HS6ST3: variants seen among roughly 807,000 people sequenced by gnomAD.
The protein encoded by HS6ST3 is heparan-sulfate 6-O-sulfotransferase 3.
HS6ST3 carries 12 observed loss-of-function variants against 36.7 expected under a neutral mutation model. The ratio of observed to expected loss-of-function variants is 0.33; its 90% CI spans 0.21 to 0.53. The LOEUF is 0.53. Ranked by LOEUF, HS6ST3 falls within the 20% of genes least tolerant of loss-of-function variation. The pLI, the probability that HS6ST3 is intolerant of heterozygous loss-of-function variation, is 0.95. For missense variants in HS6ST3, 584 were observed against 640.9 expected (o/e 0.91, Z 0.96); for synonymous variants, 240 against 257.5 (o/e 0.93, Z 0.65).
chr13:96,098,106 T>C (rs1181888462), intron 1 of HS6ST3, among the ~76,000 whole-genome samples: 1 of 152,206 alleles, frequency 6.6e-6, no homozygotes, highest in East Asian at 1.9e-4. Flanking sequence ...TTGGACTTAT[T>C]GGACTTGTTG....
intron 1 of HS6ST3, among the ~76,000 whole-genome samples, chr13:96,780,306 C>T (rs1041432765): frequency 3.3e-5 from 5 of 152,056 alleles, no homozygotes; most frequent in African/African-American, 9.7e-5. Flanking sequence ...TCGTAGTTTT[C>T]GTGTATTAAT....
intron 1 of HS6ST3, among the ~76,000 whole-genome samples, chr13:96,179,994 C>T (rs1594706323): frequency 2.0e-5 from 3 of 152,202 alleles, no homozygotes. Context: ...CCACCACACC[C>T]AGCTAACTTT....
At chr13:96,311,353 A>C (rs1020187665) in intron 1 of HS6ST3, among the ~76,000 whole-genome samples, 1 of 152,210 alleles carries the variant, frequency 6.6e-6, no homozygotes, top group Non-Finnish European at 1.5e-5. Flanking sequence ...GGCAGCATAC[A>C]CACATTTCTT....
intron 1 of HS6ST3, among the ~76,000 whole-genome samples, chr13:96,615,507 A>T (rs777982566): frequency 3.3e-5 from 5 of 152,182 alleles, no homozygotes; most frequent in African/African-American, 1.2e-4. Flanking sequence ...CCCATTCATC[A>T]TCTGGATGTA....
chr13:96,453,453 G>T (rs532002656), intron 1 of HS6ST3, among the ~76,000 whole-genome samples: 1 of 152,206 alleles, frequency 6.6e-6, no homozygotes, highest in Admixed American at 6.5e-5. Flanking sequence ...AAGACTGTTT[G>T]TCACACAAAC....
chr13:96,718,108 G>T (rs1416968558), intron 1 of HS6ST3, among the ~76,000 whole-genome samples: 1 of 152,080 alleles, frequency 6.6e-6, no homozygotes, highest in Non-Finnish European at 1.5e-5. Flanking sequence ...TGTCCTGAAT[G>T]CCCCAGTCTG....
intron 1 of HS6ST3, among the ~76,000 whole-genome samples, chr13:96,789,898 T>G (rs1431824155): frequency 2.0e-5 from 3 of 151,918 alleles, no homozygotes; most frequent in Non-Finnish European, 4.4e-5. Context: ...GTTGGAATTT[T>G]TTTAAGTTTA....
chr13:96,711,089 C>T (rs780396342), intron 1 of HS6ST3, among the ~76,000 whole-genome samples: 19 of 152,190 alleles, frequency 1.2e-4, no homozygotes, highest in Non-Finnish European at 2.2e-4. Flanking sequence ...TATGTGTCAC[C>T]TGCCTCGTCC....
chr13:96,621,591 C>A (rs965234599), intron 1 of HS6ST3, among the ~76,000 whole-genome samples: 1 of 152,186 alleles, frequency 6.6e-6, no homozygotes, highest in Non-Finnish European at 1.5e-5. Flanking sequence ...CCCTTTCTCT[C>A]CAAGACTGAC....
intron 1 of HS6ST3, among the ~76,000 whole-genome samples, chr13:96,634,708 C>A (rs1364694470): frequency 2.0e-5 from 3 of 152,180 alleles, no homozygotes; most frequent in Admixed American, 2.0e-4. Flanking sequence ...CTCATTCTGT[C>A]TCACATGTAT....
chr13:96,240,739 C>G (rs959482151), intron 1 of HS6ST3, among the ~76,000 whole-genome samples: 2 of 152,150 alleles, frequency 1.3e-5, no homozygotes, highest in African/African-American at 2.4e-5. Flanking sequence ...TTATCCTAAA[C>G]CTGGGATGCT....
intron 1 of HS6ST3, among the ~76,000 whole-genome samples, chr13:96,690,831 C>T (rs1566430709): frequency 6.6e-6 from 1 of 152,094 alleles, no homozygotes; most frequent in African/African-American, 2.4e-5. Context: ...CTGAATATGA[C>T]TTATTCTTCT....
intron 1 of HS6ST3, among the ~76,000 whole-genome samples, chr13:96,778,106 A>G (rs1198876282): frequency 6.6e-6 from 1 of 152,228 alleles, no homozygotes; most frequent in Non-Finnish European, 1.5e-5. Flanking sequence ...GGTGTTGGGA[A>G]AACTGGACAG....
intron 1 of HS6ST3, among the ~76,000 whole-genome samples, chr13:96,308,078 A>G (rs1281004013): frequency 6.6e-6 from 1 of 152,144 alleles, no homozygotes; most frequent in Non-Finnish European, 1.5e-5. Flanking sequence ...GATGAGAGAA[A>G]GTATTTATTA....
chr13:96,160,039 T>A (rs1298159766), intron 1 of HS6ST3, among the ~76,000 whole-genome samples: 1 of 152,202 alleles, frequency 6.6e-6, no homozygotes, highest in Non-Finnish European at 1.5e-5. Context: ...GAAGATGAAA[T>A]GAGATAATTT....
At chr13:96,304,704 TTTCTTTC>T (rs1454093023) in intron 1 of HS6ST3, among the ~76,000 whole-genome samples, 7 of 97,524 alleles carry the variant, frequency 7.2e-5, no homozygotes, top group East Asian at 2.9e-4. Flanking sequence ...TCTTTCTTTC[TTTCTTTC>T]TTTTTTTTTT....
chr13:96,158,525 T>C (rs1050429746), intron 1 of HS6ST3, among the ~76,000 whole-genome samples: 1 of 151,752 alleles, frequency 6.6e-6, no homozygotes, highest in Non-Finnish European at 1.5e-5. Flanking sequence ...TGGTGGTACA[T>C]GCCTGTAGTC....
intron 1 of HS6ST3, among the ~76,000 whole-genome samples, chr13:96,717,688 T>A (rs1875736523): frequency 6.6e-6 from 1 of 152,232 alleles, no homozygotes; most frequent in Non-Finnish European, 1.5e-5. Flanking sequence ...TCCTTAATTT[T>A]ACAATGAAGA....
At chr13:96,412,777 G>C (rs2139463111) in intron 1 of HS6ST3, among the ~76,000 whole-genome samples, 1 of 151,464 alleles carries the variant, frequency 6.6e-6, no homozygotes, top group Admixed American at 6.6e-5. Context: ...GGTTTTAAAG[G>C]AAATAAATTC....
Sources: gnomAD v4.1 joint callset for allele counts (sites outside exome capture counted in the v4.1 genomes callset) on GRCh38, gnomAD v4.1.1 for gene constraint, MANE v1.5 for transcripts, NCBI Gene and HGNC (gene_info 2026-07-23, HGNC 2026-07-21) for gene names.